Variants in LPP observed in about 807,000 individuals in gnomAD.
LPP encodes LIM domain containing preferred translocation partner in lipoma.
LPP carries 38 observed loss-of-function variants against 60.4 expected under a neutral mutation model. The ratio of observed to expected loss-of-function variants is 0.63; its 90% confidence interval spans 0.49 to 0.83. The LOEUF is 0.83. Among genes scored for constraint, LPP ranks in the 40% least tolerant of loss-of-function variants. The probability of loss-of-function intolerance (pLI) is 0.00; values close to 1 mark genes in which losing one functional copy is unlikely to be tolerated. For missense variants in LPP, 902 were observed against 783.6 expected (o/e 1.15, Z -1.80); for synonymous variants, 328 against 290.8 (o/e 1.13, Z -1.30).
At chr3:188,563,715 TG>T (rs1560569568) in intron 6 of LPP, among the ~76,000 whole-genome samples, 10 of 113,306 alleles carry the variant, frequency 8.8e-5, no homozygotes, top group East Asian at 2.0e-4. Context: ...TGGAATTGCT[TG>T]TGTTTTTTTT....
intron 2 of LPP, among the ~76,000 whole-genome samples, chr3:188,330,265 T>G (rs1759640993): frequency 6.6e-6 from 1 of 152,234 alleles, no homozygotes; most frequent in Non-Finnish European, 1.5e-5. Flanking sequence ...ATAGAGTAAC[T>G]TTTTGGGGAG....
intron 2 of LPP, among the ~76,000 whole-genome samples, chr3:188,323,127 T>C (rs892955284): frequency 2.0e-5 from 3 of 152,182 alleles, no homozygotes; most frequent in Non-Finnish European, 4.4e-5. Flanking sequence ...CCCGGTAGAC[T>C]CATCTCTGTA....
chr3:188,755,554 G>A (rs376009589), intron 8 of LPP, among the ~76,000 whole-genome samples: 10 of 151,918 alleles, frequency 6.6e-5, no homozygotes, highest in African/African-American at 1.7e-4. Context: ...CTATAATCCC[G>A]GCACCTCAGG....
intron 4 of LPP, among the ~76,000 whole-genome samples, chr3:188,457,945 A>G (rs141497805): frequency 2.4e-3 from 369 of 152,206 alleles, no homozygotes; most frequent in African/African-American, 8.2e-3. Flanking sequence ...TTGATGCTAT[A>G]CAAATAGTAA....
At chr3:188,466,403 C>G (rs560108698) in intron 4 of LPP, among the ~76,000 whole-genome samples, 16 of 152,086 alleles carry the variant, frequency 1.1e-4, no homozygotes, top group African/African-American at 3.6e-4. Context: ...TTAATTGACC[C>G]TTGCATTTTG....
At chr3:188,728,561 C>T (rs6444321) in intron 8 of LPP, among the ~76,000 whole-genome samples, 5 of 151,972 alleles carry the variant, frequency 3.3e-5, no homozygotes, top group Admixed American at 2.6e-4. Context: ...CTATTCACTT[C>T]GTTTAGTTAA....
At chr3:188,486,214 C>T (rs960979750) in intron 5 of LPP, among the ~76,000 whole-genome samples, 8 of 152,146 alleles carry the variant, frequency 5.3e-5, no homozygotes, top group African/African-American at 1.7e-4. Context: ...ATGGTTTGTT[C>T]TATTATTTGC....
At chr3:188,708,142 C>T in intron 7 of LPP, 125 bp from the exon 8 acceptor site, 3 of 1,015,166 alleles carry the variant, frequency 3.0e-6, no homozygotes, top group Non-Finnish European at 2.9e-6. Context: ...TTCTAAAACC[C>T]AGGTCTCCTG....
At chr3:188,574,018 A>G (rs536335500) in intron 6 of LPP, among the ~76,000 whole-genome samples, 3 of 152,096 alleles carry the variant, frequency 2.0e-5, no homozygotes, top group African/African-American at 7.2e-5. Flanking sequence ...CTTGCCTGCT[A>G]TTGAGGTAGT....
At chr3:188,584,732 T>G (rs1338810542) in intron 6 of LPP, among the ~76,000 whole-genome samples, 1 of 152,094 alleles carries the variant, frequency 6.6e-6, no homozygotes, top group African/African-American at 2.4e-5. Flanking sequence ...TTCTTCTTTT[T>G]TTTTCCTTTC....
intron 8 of LPP, among the ~76,000 whole-genome samples, chr3:188,722,076 G>A (rs1716633307): frequency 6.6e-6 from 1 of 152,082 alleles, no homozygotes; most frequent in South Asian, 2.1e-4. Context: ...ACAAACCCAA[G>A]AATTATATTT....
rs575466792 is a variant in LPP, at chr3:188,877,746, A to C, written c.*3267A>C. ...TGGTGGCATGCGCTTGTTTAAAAAA[A>C]CAAATAAATAAATAATCGACTCAAA... On this transcript the variant is annotated 3_prime_UTR_variant, in exon 12 of 12. Coordinates refer to ENST00000617246, the MANE Select transcript of LPP (RefSeq NM_001375462.1). 8 of 205,480 alleles carry C rather than the reference A, an allele frequency of 3.9e-5. No homozygotes were observed. Among genetic ancestry groups the C allele is most frequent in the Non-Finnish European group, 6.0e-5 (6 of 100,252 alleles). 12.7% of individuals were successfully genotyped at this position (205,480 alleles called of 1,614,324 possible).
intron 8 of LPP, among the ~76,000 whole-genome samples, chr3:188,713,872 T>A (rs1023500322): frequency 6.6e-6 from 1 of 152,234 alleles, no homozygotes; most frequent in Non-Finnish European, 1.5e-5. Flanking sequence ...ATGACTACAG[T>A]GGGTCTTTGA....
rs1177847946 is a variant in LPP, at chr3:188,266,632, C to T, written c.-67+41105C>T. On this transcript the variant is annotated intron_variant, in intron 2 of 11. Coordinates refer to ENST00000617246, the MANE Select transcript of LPP (RefSeq NM_001375462.1). ...TCTCATTAATGGCTTCCATAAGTCA[C>T]TGAGAGATTTCTTTGTGTTTATTTA... Among the ~76,000 whole-genome samples, 4 of 152,062 alleles carry T rather than the reference C, an allele frequency of 2.6e-5. No homozygotes were observed. In the South Asian group the frequency reaches 8.3e-4, roughly 32 times the overall value.
chr3:188,597,459 T>C (rs1840203400), intron 6 of LPP, among the ~76,000 whole-genome samples: 1 of 152,138 alleles, frequency 6.6e-6, no homozygotes, highest in South Asian at 2.1e-4. Flanking sequence ...CTTTTGTCTT[T>C]TTATGGCTTC....
intron 4 of LPP, among the ~76,000 whole-genome samples, chr3:188,477,753 G>T (rs1428890651): frequency 6.6e-6 from 1 of 152,114 alleles, no homozygotes; most frequent in Non-Finnish European, 1.5e-5. Context: ...TCATTCCTCA[G>T]TTGCAAAATT....
intron 2 of LPP, among the ~76,000 whole-genome samples, chr3:188,295,684 A>C (rs1747637365): frequency 6.6e-6 from 1 of 152,060 alleles, no homozygotes; most frequent in Non-Finnish European, 1.5e-5. Flanking sequence ...AACAACAGGC[A>C]TGCACCACTG....
intron 8 of LPP, among the ~76,000 whole-genome samples, chr3:188,726,114 G>A (rs1469340132): frequency 2.0e-5 from 3 of 152,142 alleles, no homozygotes; most frequent in African/African-American, 7.2e-5. Context: ...GGAACCACAA[G>A]ATATTGATTA....
intron 9 of LPP, among the ~76,000 whole-genome samples, chr3:188,781,139 A>G (rs892112241): frequency 2.6e-5 from 4 of 152,256 alleles, no homozygotes; most frequent in African/African-American, 9.6e-5. Flanking sequence ...CGGCTATAAT[A>G]GTATTTATAG....
Sources: gnomAD v4.1 joint callset for allele counts (sites outside exome capture counted in the v4.1 genomes callset) on GRCh38, gnomAD v4.1.1 for gene constraint, MANE v1.5 for transcripts, NCBI Gene and HGNC (gene_info 2026-07-23, HGNC 2026-07-21) for gene names.